Variants in CHD5 observed in about 807,000 individuals in gnomAD.
CHD5 encodes the protein chromodomain helicase DNA binding protein 5.
Under a neutral mutation model 230.3 loss-of-function variants are expected in CHD5, and 69 were observed. The observed-to-expected ratio is 0.30, with a 90% CI of 0.25 to 0.37. The LOEUF is 0.37. CHD5 is among the 10% of genes least tolerant of loss of function. CHD5 has a pLI of 1.00. For synonymous variants in CHD5, 1,064 were observed against 1,065.9 expected (o/e 1.00, Z 0.03); for missense variants, 1,827 against 2,622.8 (o/e 0.70, Z 6.63).
chr1:6,114,737 T>A lies in CHD5; in HGVS notation c.4913-1739A>T, dbSNP rs530663344. Among the ~76,000 whole-genome samples, 73 of 152,034 alleles carry A rather than the reference T, an allele frequency of 4.8e-4. No homozygotes were observed. In the South Asian group the frequency reaches 0.014, roughly 28 times the overall value. On this transcript the variant is annotated intron_variant, in intron 33 of 41. Transcript: ENST00000262450. ...AGGAAGAGAATCCACAGGGAAAGAA[T>A]AAGACTCCCTCAAAACTAGAAAAAA...
intron 2 of CHD5, among the ~76,000 whole-genome samples, chr1:6,161,303 C>T (rs1209068641): frequency 6.6e-6 from 1 of 152,134 alleles, no homozygotes; most frequent in African/African-American, 2.4e-5. Flanking sequence ...ACAGTCACAT[C>T]CAACAGTTCG....
intron 33 of CHD5, among the ~76,000 whole-genome samples, chr1:6,114,497 T>C (rs1043078955): frequency 2.2e-5 from 3 of 138,544 alleles, no homozygotes; most frequent in Non-Finnish European, 3.1e-5. Flanking sequence ...CTTATATATA[T>C]ATACACATAA....
chr1:6,150,012 G>C (rs1666977016), intron 7 of CHD5, among the ~76,000 whole-genome samples: 1 of 151,000 alleles, frequency 6.6e-6, no homozygotes, highest in Non-Finnish European at 1.5e-5. Context: ...TGGATGGATG[G>C]ATGGATGGAT....
intron 1 of CHD5, among the ~76,000 whole-genome samples, chr1:6,171,035 G>A (rs979911800): frequency 2.6e-5 from 4 of 152,234 alleles, no homozygotes; most frequent in Admixed American, 1.3e-4. Flanking sequence ...ATCTCGAGGG[G>A]GGGCCTCTCC....
rs749269983 is a variant in CHD5 at position 6,111,779 on chromosome 1, C to T, written c.5245G>A (p.Val1749Met). 24 of 1,613,080 alleles carry T rather than the reference C, an allele frequency of 1.5e-5. No homozygotes were observed. Among genetic ancestry groups the T allele is most frequent in the Middle Eastern group, 1.7e-4 (1 of 6,060 alleles). Reference sequence around the variant, plus strand: ...GCCCGGCCTGGCCAAGGATACGTCACGATGCCCGCCAGCAGCCAGTAGTCA... The same window carrying T: ...GCCCGGCCTGGCCAAGGATACGTCATGATGCCCGCCAGCAGCCAGTAGTCA... ...RHDYWLLAGI[V>M]THGYARWQDI... Residue 1749 changes from valine (V) to methionine (M), a missense_variant, in exon 36 of 42, where the codon GTG becomes ATG. By Grantham distance (21) the Val-to-Met change is conservative. Transcript: ENST00000262450.
At chr1:6,120,978 G>A (rs1016948260) in intron 33 of CHD5, 127 bp downstream of exon 33, 2 of 1,130,970 alleles carry the variant, frequency 1.8e-6, no homozygotes, top group East Asian at 5.8e-5. Flanking sequence ...GGGGCCTGCA[G>A]AGGGTTGGAG....
At chr1:6,170,574 C>T (rs916772665) in intron 1 of CHD5, among the ~76,000 whole-genome samples, 7 of 152,130 alleles carry the variant, frequency 4.6e-5, no homozygotes, top group Non-Finnish European at 1.0e-4. Flanking sequence ...GGGCCTCCCT[C>T]AAGGGTGGCC....
intron 38 of CHD5, among the ~76,000 whole-genome samples, chr1:6,109,557 C>T (rs1403576249): frequency 6.6e-6 from 1 of 152,340 alleles, no homozygotes; most frequent in African/African-American, 2.4e-5. Context: ...CGGGCCGGGG[C>T]CCGCACAGAG....
chr1:6,168,626 C>T (rs1667290119), intron 1 of CHD5, among the ~76,000 whole-genome samples: 1 of 152,212 alleles, frequency 6.6e-6, no homozygotes, highest in Admixed American at 6.5e-5. Flanking sequence ...GCATCTCTAC[C>T]AGGAAGGAGT....
rs1438521372 is a variant in CHD5 at position 6,180,100 on chromosome 1, C to T, written c.-77G>A. The T allele has an allele frequency of 2.9e-6, 2 of 678,828 alleles. No individual in the cohort carries two copies. Among genetic ancestry groups the T allele is most frequent in the Non-Finnish European group, 3.8e-6 (2 of 523,522 alleles). The allele number at this position is 678,828 out of a possible 1,614,324, so 42.1% of individuals were successfully genotyped here. A position where few individuals can be genotyped will look rare whatever the true frequency, so the allele number is the denominator to read the frequency against. On this transcript the variant is annotated 5_prime_UTR_variant, in exon 1 of 42. Transcript: ENST00000262450. ...GTGCCAGCCTTAACCCGTGCGCTGC[C>T]GGACCGGCGCGCGCGGCGGGCGAGG...
At chr1:6,159,035 G>A (rs1667123551) in intron 3 of CHD5, among the ~76,000 whole-genome samples, 1 of 148,788 alleles carries the variant, frequency 6.7e-6, no homozygotes, top group Non-Finnish European at 1.5e-5. Flanking sequence ...AAGAGATGGG[G>A]ACCATCCTGG....
intron 3 of CHD5, among the ~76,000 whole-genome samples, chr1:6,157,058 G>T (rs1025431756): frequency 1.3e-5 from 2 of 152,188 alleles, no homozygotes; most frequent in African/African-American, 4.8e-5. Context: ...CTTGGAACAG[G>T]GTGTGTCAAA....
intron 17 of CHD5, 23 bp downstream of exon 17, chr1:6,136,494 C>G (rs1459992038): frequency 1.9e-6 from 3 of 1,612,428 alleles, no homozygotes; most frequent in Non-Finnish European, 2.5e-6. Context: ...CACCACCTCC[C>G]TAGCCAGATC....
rs1156703325 is a variant in CHD5 at position 6,134,050 on chromosome 1, T to C, written c.3144+78A>G. 6.8e-7 allele frequency: 1 copy of C among 1,464,074 alleles called. No homozygotes were observed. The highest frequency in any genetic ancestry group is 9.3e-7 in the Non-Finnish European group (1 of 1,070,248). 90.7% of individuals were successfully genotyped at this position (1,464,074 alleles called of 1,614,324 possible). A position where few individuals can be genotyped will look rare whatever the true frequency, so the allele number is the denominator to read the frequency against. On this transcript the variant is annotated intron_variant, in intron 20 of 41. Transcript: ENST00000262450. The surrounding 1 kb of genome is among the most constrained non-coding windows in gnomAD (Gnocchi z 6.3). ...CTGGGCCCTGAGGGGTGCCAGCAAGTTTGCGCCCCCAAGCATCAGGGCAGG... is the reference window on the plus strand; with the variant it reads ...CTGGGCCCTGAGGGGTGCCAGCAAGCTTGCGCCCCCAAGCATCAGGGCAGG...
Position 6,154,799 on chromosome 1 carries a change from C to T in CHD5, c.606G>A (p.Lys202=), listed in dbSNP as rs773527407. 1 of 1,613,786 alleles carries T rather than the reference C, an allele frequency of 6.2e-7. No homozygotes were observed. Among genetic ancestry groups the T allele is most frequent in the South Asian group, 1.1e-5 (1 of 91,076 alleles). The change falls in exon 5 of 42, where the codon AAG becomes AAA. Residue 202 remains lysine (K), a synonymous_variant. Coordinates refer to ENST00000262450, the MANE Select transcript of CHD5 (RefSeq NM_015557.3). The surrounding 1 kb of genome is among the most constrained non-coding windows in gnomAD (Gnocchi z 7.0). The part of the protein sequence containing the change: ...WREFSANNPF[K]GSSAAAAAAA... ...CCGCCGCTGCTGCCGCGGAGCTGCCCTTGAAGGGGTTGTTGGCGCTGAACT... is the reference window on the plus strand; with the variant it reads ...CCGCCGCTGCTGCCGCGGAGCTGCCTTTGAAGGGGTTGTTGGCGCTGAACT...
In CHD5 at chr1:6,152,615, G is replaced by A. The variant is rs143049066; in HGVS notation, c.746-79C>T. On this transcript the variant is annotated intron_variant, in intron 5 of 41. Transcript: ENST00000262450. ...CCTGCCATCATCTCACTGAGCTCTCGGTTACCCAATAAGGAAAGGGTCATT... is the reference window on the plus strand; with the variant it reads ...CCTGCCATCATCTCACTGAGCTCTCAGTTACCCAATAAGGAAAGGGTCATT... 7.7e-4 allele frequency: 1,230 copies of A among 1,598,760 alleles called. 11 individuals carry two copies. The African/African-American group carries it at 0.014, about 19-fold the overall frequency.
chr1:6,166,747 CG>C (rs1667262028), intron 2 of CHD5, among the ~76,000 whole-genome samples: 1 of 152,096 alleles, frequency 6.6e-6, no homozygotes, highest in Non-Finnish European at 1.5e-5. Context: ...GGCCCAGAGG[CG>C]AAGGCAGGGA....
chr1:6,128,349 G>C lies in CHD5; in HGVS notation c.3731-131C>G. 1 of 1,147,172 alleles carries C rather than the reference G, an allele frequency of 8.7e-7. No individual in the cohort carries two copies. The highest frequency in any genetic ancestry group is 2.1e-5 in the Admixed American group (1 of 48,512). 71.1% of individuals were successfully genotyped at this position (1,147,172 alleles called of 1,614,324 possible). ...CTGCAGCTGAGAGGCATGGTGACCA[G>C]ACAGAGGAAACTGCGCTGTAACAGC... On this transcript the variant is annotated intron_variant, in intron 24 of 41. Coordinates refer to ENST00000262450, the MANE Select transcript of CHD5 (RefSeq NM_015557.3). The surrounding 1 kb of genome is among the most constrained non-coding windows in gnomAD (Gnocchi z 7.8).
In CHD5 at chr1:6,154,975, C is replaced by A; in HGVS notation, c.507-77G>T. On this transcript the variant is annotated intron_variant, in intron 4 of 41. Coordinates refer to ENST00000262450, the MANE Select transcript of CHD5 (RefSeq NM_015557.3). The surrounding 1 kb of genome is among the most constrained non-coding windows in gnomAD (Gnocchi z 7.0). ...CCCACCCGACCCCCGGCAGGGCCCA[C>A]CCCTCTGCCACATGTGCGATCTATG... 1 of 1,299,786 alleles carries A rather than the reference C, an allele frequency of 7.7e-7. No individual in the cohort carries two copies. The highest frequency in any genetic ancestry group is 1.1e-6 in the Non-Finnish European group (1 of 922,086). The allele number at this position is 1,299,786 out of a possible 1,614,324, so 80.5% of individuals were successfully genotyped here. A position where few individuals can be genotyped will look rare whatever the true frequency, so the allele number is the denominator to read the frequency against.
Sources: gnomAD v4.1 joint callset for allele counts (sites outside exome capture counted in the v4.1 genomes callset) on GRCh38, gnomAD v4.1.1 for gene constraint, Gnocchi (gnomAD v3.1) non-coding constraint, MANE v1.5 for transcripts, NCBI Gene and HGNC (gene_info 2026-07-23, HGNC 2026-07-21) for gene names.